Variants in IGIP observed in about 807,000 individuals in gnomAD.
IGIP encodes IgA-inducing protein homolog.
Under a neutral mutation model 3.2 loss-of-function variants are expected in IGIP, and 1 was observed. The observed-to-expected ratio is 0.32, with a 90% CI of 0.11 to 1.50. IGIP has a LOEUF of 1.50. Among genes scored for constraint, IGIP ranks in the 40% most tolerant of loss-of-function variants. The probability of loss-of-function intolerance (pLI) is 0.39; values close to 1 mark genes in which losing one functional copy is unlikely to be tolerated. For synonymous variants in IGIP, 20 were observed against 22.7 expected (o/e 0.88, Z 0.34); for missense variants, 64 against 69.0 (o/e 0.93, Z 0.26).
rs1763239132 is a variant in IGIP at position 140,128,577 on chromosome 5, G to A, written c.101G>A (p.Cys34Tyr). 1.9e-6 allele frequency: 3 copies of A among 1,611,964 alleles called. No homozygotes were observed. The highest frequency in any genetic ancestry group is 1.7e-6 in the Non-Finnish European group (2 of 1,179,458). Residue 34 changes from cysteine to tyrosine, a missense_variant, in exon 1 of 1, where the codon TGT becomes TAT. Transcript: ENST00000333305. ...FSHLSAGKSPCGNQANVLCIS... is the reference protein window; with the variant it reads ...FSHLSAGKSPYGNQANVLCIS... ...CATCTCAGTGCTGGGAAATCACCAT[G>A]TGGAAACCAAGCAAACGTGTTGTGC... is the stretch of plus-strand genomic sequence containing the variant.
In IGIP at chr5:140,128,870, GA is replaced by G. The variant is rs2126755207; in HGVS notation, c.*233del. ...GGGAAGGGGTCTGGTTGCGATCTTG[GA>G]TTTTTTTTTTTTTTGATAGGTGGAA... is the stretch of plus-strand genomic sequence containing the variant. On this transcript the variant is annotated 3_prime_UTR_variant, in exon 1 of 1. Transcript: ENST00000333305. 2 of 448,400 alleles carry G rather than the reference GA, an allele frequency of 4.5e-6. No individual in the cohort carries two copies. Among genetic ancestry groups the G allele is most frequent in the East Asian group, 4.5e-5 (1 of 22,340 alleles). The allele number at this position is 448,400 out of a possible 1,614,324, so 27.8% of individuals were successfully genotyped here.
chr5:140,128,491 T>C lies in IGIP; in HGVS notation c.15T>C (p.Tyr5=). 1 of 1,591,196 alleles carries C rather than the reference T, an allele frequency of 6.3e-7. No individual in the cohort carries two copies. Among genetic ancestry groups the C allele is most frequent in the African/African-American group, 1.4e-5 (1 of 73,814 alleles). Residue 5 remains tyrosine, a synonymous_variant, in exon 1 of 1, where the codon TAT becomes TAC. Transcript: ENST00000333305. ...CTGTATTAAATATGTGCAGTTATTA[T>C]CACATGAAGAAACGCAGTGTGTCGG... MCSY[Y]HMKKRSVSGC...
In IGIP at chr5:140,128,248, A is replaced by G. The variant is rs1353449725; in HGVS notation, c.-229A>G. 1 of 372,394 alleles carries G rather than the reference A, an allele frequency of 2.7e-6. No individual in the cohort carries two copies. The highest frequency in any genetic ancestry group is 2.1e-5 in the African/African-American group (1 of 47,196). The allele number at this position is 372,394 out of a possible 1,614,324, so 23.1% of individuals were successfully genotyped here. A position where few individuals can be genotyped will look rare whatever the true frequency, so the allele number is the denominator to read the frequency against. ...TAGAATTGTTCTTTAATATCTTTCC[A>G]AAATGACTTTGGTTAAATGGACCAG... On this transcript the variant is annotated 5_prime_UTR_variant, in exon 1 of 1. Transcript: ENST00000333305.
Position 140,126,954 on chromosome 5 carries a change from C to T in IGIP, c.-1523C>T, listed in dbSNP as rs1422695315. The T allele has an allele frequency of 6.0e-6, 1 of 167,056 alleles. No homozygotes were observed. Among genetic ancestry groups the T allele is most frequent in the Non-Finnish European group, 1.5e-5 (1 of 68,118 alleles). The allele number at this position is 167,056 out of a possible 1,614,324, so 10.3% of individuals were successfully genotyped here. On this transcript the variant is annotated 5_prime_UTR_variant, in exon 1 of 1. Coordinates refer to ENST00000333305, the MANE Select transcript of IGIP (RefSeq NM_001007189.2). The stretch of plus-strand genomic sequence containing the variant: ...TACTGTGTTACTTACTGTAGATGCT[C>T]TCTTTTAGAGGAGGCCCAGAGCACA...
In IGIP at chr5:140,126,299, T is replaced by C. The variant is rs1162339906; in HGVS notation, c.-2178T>C. ...ATTCTGTATAGGACCAAAAAGGAAA[T>C]AACATTAAACACTTAAACAGACGTT... On this transcript the variant is annotated 5_prime_UTR_variant, in exon 1 of 1. Coordinates refer to ENST00000333305, the MANE Select transcript of IGIP (RefSeq NM_001007189.2). The C allele has an allele frequency of 6.0e-6, 1 of 167,028 alleles. No individual in the cohort carries two copies. The highest frequency in any genetic ancestry group is 1.5e-5 in the Non-Finnish European group (1 of 68,102). 10.3% of individuals were successfully genotyped at this position (167,028 alleles called of 1,614,324 possible).
In IGIP at chr5:140,126,161, T is replaced by C; in HGVS notation, c.-2316T>C. Reference sequence around the variant, plus strand: ...ACTTTGCAACATGTGATTACAAAAATCTTCCTCTGTGGGAAGATTAACCAT... The same window carrying C: ...ACTTTGCAACATGTGATTACAAAAACCTTCCTCTGTGGGAAGATTAACCAT... On this transcript the variant is annotated 5_prime_UTR_variant, in exon 1 of 1. Transcript: ENST00000333305. 1 of 167,200 alleles carries C rather than the reference T, an allele frequency of 6.0e-6. No individual in the cohort carries two copies. The allele number at this position is 167,200 out of a possible 1,614,324, so 10.4% of individuals were successfully genotyped here.
rs538389348 is a variant in IGIP at position 140,126,924 on chromosome 5, T to G, written c.-1553T>G. On this transcript the variant is annotated 5_prime_UTR_variant, in exon 1 of 1. Transcript: ENST00000333305. ...CTTGGCAGTCGTCACTGAACTAATGTCCCATACTGTGTTACTTACTGTAGA... is the reference window on the plus strand; with the variant it reads ...CTTGGCAGTCGTCACTGAACTAATGGCCCATACTGTGTTACTTACTGTAGA... 2.5e-4 allele frequency: 41 copies of G among 167,186 alleles called. No homozygotes were observed. Among genetic ancestry groups the G allele is most frequent in the African/African-American group, 9.4e-4 (39 of 41,560 alleles). The allele number at this position is 167,186 out of a possible 1,614,324, so 10.4% of individuals were successfully genotyped here. A position where few individuals can be genotyped will look rare whatever the true frequency, so the allele number is the denominator to read the frequency against.
chr5:140,128,706 A>T lies in IGIP; in HGVS notation c.*68A>T. The T allele has an allele frequency of 1.6e-6, 2 of 1,278,418 alleles. No individual in the cohort carries two copies. The highest frequency in any genetic ancestry group is 2.2e-6 in the Non-Finnish European group (2 of 902,652). The allele number at this position is 1,278,418 out of a possible 1,614,324, so 79.2% of individuals were successfully genotyped here. ...TTATTTTAGGCATTGATTCTTACAA[A>T]ATATATACTGTAACAGTATACTTTG... On this transcript the variant is annotated 3_prime_UTR_variant, in exon 1 of 1. Transcript: ENST00000333305.
Position 140,128,788 on chromosome 5 carries a change from G to C in IGIP, c.*150G>C. 3.1e-6 allele frequency: 2 copies of C among 646,978 alleles called. No individual in the cohort carries two copies. The highest frequency in any genetic ancestry group is 5.1e-6 in the Non-Finnish European group (2 of 392,386). The allele number at this position is 646,978 out of a possible 1,614,324, so 40.1% of individuals were successfully genotyped here. ...ATAAAGTAGGCAAAAAAATAAAGAT[G>C]TTTATTTTTCATGTGACTGTATAAT... On this transcript the variant is annotated 3_prime_UTR_variant, in exon 1 of 1. Transcript: ENST00000333305.
At position 140,128,825 on chromosome 5, in the gene IGIP, T is replaced by C; in HGVS notation, c.*187T>C. ...TGTGACTGTATAATCAGATCAGTCT[T>C]TTGTTTCAGTGCTTTTTGGGGGAAG... On this transcript the variant is annotated 3_prime_UTR_variant, in exon 1 of 1. Transcript: ENST00000333305. 1 of 546,798 alleles carries C rather than the reference T, an allele frequency of 1.8e-6. No individual in the cohort carries two copies. Among genetic ancestry groups the C allele is most frequent in the Non-Finnish European group, 3.1e-6 (1 of 318,418 alleles). The allele number at this position is 546,798 out of a possible 1,614,324, so 33.9% of individuals were successfully genotyped here.
At position 140,128,871 on chromosome 5, in the gene IGIP, A is replaced by ATTTT; in HGVS notation, c.*244_*247dup. ...GGAAGGGGTCTGGTTGCGATCTTGG[A>ATTTT]TTTTTTTTTTTTTTGATAGGTGGAA... On this transcript the variant is annotated 3_prime_UTR_variant, in exon 1 of 1. Transcript: ENST00000333305. The ATTTT allele has an allele frequency of 2.9e-6, 1 of 347,528 alleles. No homozygotes were observed. Among genetic ancestry groups the ATTTT allele is most frequent in the Admixed American group, 5.5e-5 (1 of 18,342 alleles). The allele number at this position is 347,528 out of a possible 1,614,324, so 21.5% of individuals were successfully genotyped here. A position where few individuals can be genotyped will look rare whatever the true frequency, so the allele number is the denominator to read the frequency against.
In IGIP at chr5:140,128,872, T is replaced by C; in HGVS notation, c.*234T>C. On this transcript the variant is annotated 3_prime_UTR_variant, in exon 1 of 1. Coordinates refer to ENST00000333305, the MANE Select transcript of IGIP (RefSeq NM_001007189.2). ...GAAGGGGTCTGGTTGCGATCTTGGATTTTTTTTTTTTTTGATAGGTGGAAA... is the reference window on the plus strand; with the variant it reads ...GAAGGGGTCTGGTTGCGATCTTGGACTTTTTTTTTTTTTGATAGGTGGAAA... The C allele has an allele frequency of 5.6e-6, 1 of 179,284 alleles. No homozygotes were observed. The allele number at this position is 179,284 out of a possible 1,614,324, so 11.1% of individuals were successfully genotyped here. A position where few individuals can be genotyped will look rare whatever the true frequency, so the allele number is the denominator to read the frequency against.
rs1763242231 is a variant in IGIP, at chr5:140,128,844, G to C, written c.*206G>C. The stretch of plus-strand genomic sequence containing the variant: ...CAGTCTTTTGTTTCAGTGCTTTTTG[G>C]GGGAAGGGGTCTGGTTGCGATCTTG... On this transcript the variant is annotated 3_prime_UTR_variant, in exon 1 of 1. Coordinates refer to ENST00000333305, the MANE Select transcript of IGIP (RefSeq NM_001007189.2). 6 of 516,856 alleles carry C rather than the reference G, an allele frequency of 1.2e-5. No homozygotes were observed. The highest frequency in any genetic ancestry group is 2.0e-5 in the Non-Finnish European group (6 of 296,936). 32.0% of individuals were successfully genotyped at this position (516,856 alleles called of 1,614,324 possible).
rs1380177039 is a variant in IGIP, at chr5:140,126,542, C to T, written c.-1935C>T. The T allele has an allele frequency of 6.0e-6, 1 of 167,044 alleles. No homozygotes were observed. The allele number at this position is 167,044 out of a possible 1,614,324, so 10.3% of individuals were successfully genotyped here. A position where few individuals can be genotyped will look rare whatever the true frequency, so the allele number is the denominator to read the frequency against. ...TCCAGCTTGACTGAAATAAGTAAAC[C>T]AATCACTTGCAACATGAAAAACTGT... On this transcript the variant is annotated 5_prime_UTR_variant, in exon 1 of 1. Coordinates refer to ENST00000333305, the MANE Select transcript of IGIP (RefSeq NM_001007189.2).
chr5:140,128,253 G>C lies in IGIP; in HGVS notation c.-224G>C. ...TTGTTCTTTAATATCTTTCCAAAAT[G>C]ACTTTGGTTAAATGGACCAGATGTA... On this transcript the variant is annotated 5_prime_UTR_variant, in exon 1 of 1. An upstream start codon of the reference 5' UTR is lost. Transcript: ENST00000333305. 1 of 380,020 alleles carries C rather than the reference G, an allele frequency of 2.6e-6. No individual in the cohort carries two copies. The allele number at this position is 380,020 out of a possible 1,614,324, so 23.5% of individuals were successfully genotyped here.
Position 140,127,841 on chromosome 5 carries a change from G to A in IGIP, c.-636G>A, listed in dbSNP as rs1160359227. The stretch of plus-strand genomic sequence containing the variant: ...CTGTGTGTGGTCCCTGTTGCTGACA[G>A]TATTAAGTTATATTCTGATGTAAGA... On this transcript the variant is annotated 5_prime_UTR_variant, in exon 1 of 1. Coordinates refer to ENST00000333305, the MANE Select transcript of IGIP (RefSeq NM_001007189.2). The A allele has an allele frequency of 2.4e-5, 4 of 167,002 alleles. No homozygotes were observed. Among genetic ancestry groups the A allele is most frequent in the African/African-American group, 7.2e-5 (3 of 41,446 alleles). 10.3% of individuals were successfully genotyped at this position (167,002 alleles called of 1,614,324 possible). A position where few individuals can be genotyped will look rare whatever the true frequency, so the allele number is the denominator to read the frequency against.
chr5:140,128,770 A>G lies in IGIP; in HGVS notation c.*132A>G. The G allele has an allele frequency of 1.4e-6, 1 of 738,906 alleles. No individual in the cohort carries two copies. Among genetic ancestry groups the G allele is most frequent in the African/African-American group, 1.9e-5 (1 of 52,842 alleles). 45.8% of individuals were successfully genotyped at this position (738,906 alleles called of 1,614,324 possible). ...TTTATTTGAAAAAATGAAATAAAGTAGGCAAAAAAATAAAGATGTTTATTT... is the reference window on the plus strand; with the variant it reads ...TTTATTTGAAAAAATGAAATAAAGTGGGCAAAAAAATAAAGATGTTTATTT... On this transcript the variant is annotated 3_prime_UTR_variant, in exon 1 of 1. Transcript: ENST00000333305.
rs1260785858 is a variant in IGIP at position 140,128,808 on chromosome 5, T to C, written c.*170T>C. On this transcript the variant is annotated 3_prime_UTR_variant, in exon 1 of 1. Transcript: ENST00000333305. ...AAGATGTTTATTTTTCATGTGACTG[T>C]ATAATCAGATCAGTCTTTTGTTTCA... is the stretch of plus-strand genomic sequence containing the variant. 1.7e-6 allele frequency: 1 copy of C among 579,472 alleles called. No homozygotes were observed. The highest frequency in any genetic ancestry group is 2.0e-5 in the African/African-American group (1 of 50,044). The allele number at this position is 579,472 out of a possible 1,614,324, so 35.9% of individuals were successfully genotyped here. A position where few individuals can be genotyped will look rare whatever the true frequency, so the allele number is the denominator to read the frequency against.
chr5:140,128,351 C>T lies in IGIP; in HGVS notation c.-126C>T. On this transcript the variant is annotated 5_prime_UTR_variant, in exon 1 of 1. It introduces an in-frame stop codon into an upstream open reading frame of the 5' UTR. Coordinates refer to ENST00000333305, the MANE Select transcript of IGIP (RefSeq NM_001007189.2). ...AAGTTAATCCTTATTGGAGATGTGCCAATATACAGTTAGAATATCATTAAT... is the reference window on the plus strand; with the variant it reads ...AAGTTAATCCTTATTGGAGATGTGCTAATATACAGTTAGAATATCATTAAT... 1 of 607,428 alleles carries T rather than the reference C, an allele frequency of 1.6e-6. No homozygotes were observed. 37.6% of individuals were successfully genotyped at this position (607,428 alleles called of 1,614,324 possible). A position where few individuals can be genotyped will look rare whatever the true frequency, so the allele number is the denominator to read the frequency against.
Sources: allele counts gnomAD v4.1 joint callset, GRCh38; gene constraint gnomAD v4.1.1; transcripts MANE v1.5; gene names NCBI Gene and HGNC (gene_info 2026-07-23, HGNC 2026-07-21).